KDM4C: variants seen among roughly 807,000 people sequenced by gnomAD.
The protein encoded by KDM4C is lysine-specific demethylase 4C.
In KDM4C, 81 loss-of-function variants were observed where a neutral mutation model predicts 129.3. That is an observed-to-expected ratio of 0.63 (90% CI 0.52 to 0.75). The LOEUF (loss-of-function observed/expected upper bound fraction) is 0.75. KDM4C is among the 30% of genes least tolerant of loss of function. The probability of loss-of-function intolerance (pLI) is 0.00; values close to 1 mark genes in which losing one functional copy is unlikely to be tolerated. For synonymous variants in KDM4C, 573 were observed against 456.1 expected, an observed-to-expected ratio of 1.26 and a Z score of -3.26; for missense variants, 1,457 against 1,304.0, an observed-to-expected ratio of 1.12 and a Z score of -1.81.
intron 17 of KDM4C, among the ~76,000 whole-genome samples, chr9:7,088,779 A>T (rs145341090): frequency 3.3e-5 from 5 of 152,160 alleles, no homozygotes; most frequent in African/African-American, 1.2e-4. Flanking sequence ...CAAGCTGTCA[A>T]TGGGCTTGGA....
intron 8 of KDM4C, among the ~76,000 whole-genome samples, chr9:6,896,806 G>T (rs537785295): frequency 1.2e-4 from 19 of 152,128 alleles, no homozygotes. Context: ...GAGAACAGGG[G>T]TGAGAGTAGA....
intron 8 of KDM4C, among the ~76,000 whole-genome samples, chr9:6,931,747 C>T (rs1238704702): frequency 6.6e-6 from 1 of 152,164 alleles, no homozygotes; most frequent in Non-Finnish European, 1.5e-5. Context: ...GTGATCCACC[C>T]GCCTTAGTCT....
At chr9:6,823,339 C>T (rs1833353063) in intron 4 of KDM4C, among the ~76,000 whole-genome samples, 1 of 152,200 alleles carries the variant, frequency 6.6e-6, no homozygotes, top group Non-Finnish European at 1.5e-5. Context: ...TCCTCACTGT[C>T]AGAGTACCCA....
At chr9:6,988,655 GCCATCCATCCATCCAT>G (rs3072728) in intron 11 of KDM4C, among the ~76,000 whole-genome samples, 6 of 149,128 alleles carry the variant, frequency 4.0e-5, no homozygotes, top group African/African-American at 9.9e-5. Context: ...ATTTTTTAAA[GCCATCCATCCATCCAT>G]CCATCCATCC....
At chr9:7,165,043 C>A (rs1438792437) in intron 19 of KDM4C, among the ~76,000 whole-genome samples, 195 bp from the exon 20 acceptor site, 1 of 152,074 alleles carries the variant, frequency 6.6e-6, no homozygotes, top group Non-Finnish European at 1.5e-5. Flanking sequence ...TCCTTTGCAA[C>A]TTTATGATGT....
Position 7,165,300 on chromosome 9 carries a change from C to T in KDM4C, c.2844C>T (p.Pro948=), listed in dbSNP as rs150837413. Residue 948 remains proline, a synonymous_variant, in exon 20 of 22, where the codon CCC becomes CCT. Coordinates refer to ENST00000381309, the MANE Select transcript of KDM4C (RefSeq NM_015061.6). ...GAGAAGTCGTCCAAGTCAAGTGGCCCGATGGCAAACTCTATGGAGCAAAAT... is the reference window on the plus strand; with the variant it reads ...GAGAAGTCGTCCAAGTCAAGTGGCCTGATGGCAAACTCTATGGAGCAAAAT... The part of the protein sequence containing the change: ...AEGEVVQVKW[P]DGKLYGAKYF... The T allele has an allele frequency of 1.1e-5, 18 of 1,614,074 alleles. No individual in the cohort carries two copies. Among genetic ancestry groups the T allele is most frequent in the African/African-American group, 4.0e-5 (3 of 75,008 alleles).
intron 15 of KDM4C, among the ~76,000 whole-genome samples, chr9:7,020,929 A>G (rs1291414827): frequency 1.1e-5 from 1 of 89,216 alleles, no homozygotes. Flanking sequence ...TTTTTTTTGT[A>G]CCCATTAACC....
chr9:6,747,402 G>T (rs1487868464), intron 1 of KDM4C, among the ~76,000 whole-genome samples: 1 of 151,740 alleles, frequency 6.6e-6, no homozygotes, highest in African/African-American at 2.4e-5. Flanking sequence ...ATAAAAATTA[G>T]CTGGGCGTGG....
At chr9:7,130,128 G>A (rs1395469477) in intron 19 of KDM4C, among the ~76,000 whole-genome samples, 1 of 152,202 alleles carries the variant, frequency 6.6e-6, no homozygotes, top group Admixed American at 6.5e-5. Context: ...TTCAGAATTA[G>A]CCTTCTCTTG....
rs1431550853 is a variant in KDM4C, at chr9:7,047,141, AC to A, written c.2315+226del. The stretch of plus-strand genomic sequence containing the variant: ...TATGCTTCTCTTCTTTGTATTTGAC[AC>A]CATGAAAAATAACCCCTCTTTTACT... On this transcript the variant is annotated intron_variant, in intron 16 of 21. Transcript: ENST00000381309. Among the ~76,000 whole-genome samples, 5 of 152,066 alleles carry A rather than the reference AC, an allele frequency of 3.3e-5. No individual in the cohort carries two copies. The East Asian group carries it at 9.7e-4, about 29-fold the overall frequency.
chr9:6,773,039 A>T (rs556065336), intron 1 of KDM4C, among the ~76,000 whole-genome samples: 1 of 150,742 alleles, frequency 6.6e-6, no homozygotes, highest in Non-Finnish European at 1.5e-5. Flanking sequence ...TCACTCTGTC[A>T]CTCAGGCTAG....
intron 1 of KDM4C, among the ~76,000 whole-genome samples, chr9:6,759,554 T>C (rs906188079): frequency 4.7e-4 from 72 of 152,286 alleles, no homozygotes; most frequent in African/African-American, 1.6e-3. Context: ...TATGAAAAGT[T>C]TTCACATAAG....
chr9:6,775,818 G>A (rs1432087651), intron 1 of KDM4C, among the ~76,000 whole-genome samples: 1 of 152,180 alleles, frequency 6.6e-6, no homozygotes, highest in Non-Finnish European at 1.5e-5. Flanking sequence ...ACTGCGCCCA[G>A]CGACAAATGG....
chr9:7,142,685 TTGTAGA>T (rs1303096496), intron 19 of KDM4C, among the ~76,000 whole-genome samples: 16 of 152,226 alleles, frequency 1.1e-4, no homozygotes, highest in African/African-American at 3.9e-4. Context: ...TATTTAATAA[TTGTAGA>T]TGTACAATGT....
rs916992160 is a variant in KDM4C, at chr9:7,037,013, A to G, written c.2260-9849A>G. Among the ~76,000 whole-genome samples the G allele has an allele frequency of 2.6e-5, 4 of 152,110 alleles. No homozygotes were observed. The East Asian group carries it at 5.8e-4, about 22-fold the overall frequency. ...TCATTCAATTATATAATCACTCAGA[A>G]CTCATACCAGCTCTGTCCTTCGGTG... On this transcript the variant is annotated intron_variant, in intron 15 of 21. Coordinates refer to ENST00000381309, the MANE Select transcript of KDM4C (RefSeq NM_015061.6).
At chr9:7,145,182 G>A (rs1045959235) in intron 19 of KDM4C, among the ~76,000 whole-genome samples, 8 of 152,140 alleles carry the variant, frequency 5.3e-5, no homozygotes, top group African/African-American at 7.2e-5. Flanking sequence ...TTAAAGGTGC[G>A]TGGCCAGAGG....
At chr9:6,792,811 G>C (rs889016649) in intron 1 of KDM4C, among the ~76,000 whole-genome samples, 161 bp from the exon 2 acceptor site, 1 of 152,202 alleles carries the variant, frequency 6.6e-6, no homozygotes, top group African/African-American at 2.4e-5. Context: ...TTGTTCAGGG[G>C]TTCAGGCAGA....
chr9:6,781,700 T>C (rs1393014829), intron 1 of KDM4C, among the ~76,000 whole-genome samples: 1 of 152,188 alleles, frequency 6.6e-6, no homozygotes, highest in Non-Finnish European at 1.5e-5. Context: ...CAAGAAAGCC[T>C]TTGTTTGGCC....
Position 6,739,386 on chromosome 9 carries a change from TTAA to T in KDM4C, c.49+18391_49+18393del, listed in dbSNP as rs146018481. ...CCGTGCCTAGCCATTTTTTTCCTAATTAATTTGTGACCCAGAAAATCCTGTTTA... is the reference window on the plus strand; with the variant it reads ...CCGTGCCTAGCCATTTTTTTCCTAATTTTGTGACCCAGAAAATCCTGTTTA... On this transcript the variant is annotated intron_variant, in intron 1 of 17. Coordinates refer to the KDM4C transcript ENST00000536108. Among the ~76,000 whole-genome samples the T allele has an allele frequency of 9.5e-3, 1,444 of 152,132 alleles. 22 individuals are homozygous for T. The highest frequency in any genetic ancestry group is 0.033 in the African/African-American group (1,374 of 41,518).
Sources: gnomAD v4.1 joint callset for allele counts (sites outside exome capture counted in the v4.1 genomes callset) on GRCh38, gnomAD v4.1.1 for gene constraint, MANE v1.5 for transcripts, NCBI Gene and HGNC (gene_info 2026-07-23, HGNC 2026-07-21) for gene names.